PPFIA2: variants seen among roughly 807,000 people sequenced by gnomAD.
PPFIA2 encodes PPFI scaffold protein A2.
PPFIA2 carries 46 observed loss-of-function variants against 175.5 expected under a neutral mutation model. The ratio of observed to expected loss-of-function variants is 0.26; its 90% confidence interval spans 0.21 to 0.34. The LOEUF is 0.34. PPFIA2 is among the 10% of genes least tolerant of loss of function. The pLI is 1.00. For synonymous variants in PPFIA2, 568 were observed against 511.4 expected, an observed-to-expected ratio of 1.11 and a Z score of -1.49; for missense variants, 1,179 against 1,506.1, an observed-to-expected ratio of 0.78 and a Z score of 3.60.
chr12:81,537,542 C>A (rs1462597684), intron 4 of PPFIA2, among the ~76,000 whole-genome samples: 1 of 151,804 alleles, frequency 6.6e-6, no homozygotes, highest in African/African-American at 2.4e-5. Flanking sequence ...TTGCCCTTCA[C>A]ACCAATGTTT....
At chr12:81,738,707 T>C (rs1411308240) in intron 3 of PPFIA2, among the ~76,000 whole-genome samples, 1 of 151,152 alleles carries the variant, frequency 6.6e-6, no homozygotes, top group African/African-American at 2.4e-5. Flanking sequence ...AAAATAGAAA[T>C]CCCTTGGTAA....
chr12:81,407,166 T>C (rs2043083400), intron 7 of PPFIA2, among the ~76,000 whole-genome samples: 1 of 152,174 alleles, frequency 6.6e-6, no homozygotes, highest in African/African-American at 2.4e-5. Flanking sequence ...TAAATTAGAT[T>C]GTGTAACCCT....
At chr12:81,369,701 G>T (rs1393482241) in intron 11 of PPFIA2, among the ~76,000 whole-genome samples, 1 of 151,610 alleles carries the variant, frequency 6.6e-6, no homozygotes, top group Admixed American at 6.6e-5. Context: ...AGAAGAGGTT[G>T]GATCAGACTA....
chr12:81,362,284 T>A (rs2031062938), intron 15 of PPFIA2, among the ~76,000 whole-genome samples: 1 of 151,390 alleles, frequency 6.6e-6, no homozygotes, highest in Non-Finnish European at 1.5e-5. Context: ...AACATATTTC[T>A]GCATGTTTCT....
At chr12:81,406,577 C>A (rs779019304) in intron 7 of PPFIA2, among the ~76,000 whole-genome samples, 1 of 151,980 alleles carries the variant, frequency 6.6e-6, no homozygotes, top group Non-Finnish European at 1.5e-5. Flanking sequence ...AAAACAAATT[C>A]TCGGGTACTT....
In PPFIA2 at chr12:81,328,094, T is replaced by C. The variant is rs372554942; in HGVS notation, c.2549-2224A>G. On this transcript the variant is annotated intron_variant, in intron 21 of 32. Transcript: ENST00000549396. ...ATTAAAACACTTCTGAGGGAGGACA[T>C]TTTTTCACAGAATTGACCTAGCTGC... Among the ~76,000 whole-genome samples, 10 of 152,274 alleles carry C rather than the reference T, an allele frequency of 6.6e-5. No homozygotes were observed. The South Asian group carries it at 8.3e-4, about 13-fold the overall frequency.
At chr12:81,574,928 T>C (rs2073241371) in intron 4 of PPFIA2, among the ~76,000 whole-genome samples, 1 of 151,760 alleles carries the variant, frequency 6.6e-6, no homozygotes, top group South Asian at 2.1e-4. Flanking sequence ...TGGAATTGTA[T>C]TAAAACTAAT....
At chr12:81,497,407 G>C (rs1259428290) in intron 4 of PPFIA2, among the ~76,000 whole-genome samples, 1 of 151,352 alleles carries the variant, frequency 6.6e-6, no homozygotes, top group Non-Finnish European at 1.5e-5. Context: ...TTAGGGCAAA[G>C]TTTTCTTATA....
chr12:81,366,022 CTT>C (rs2033246631), intron 14 of PPFIA2, among the ~76,000 whole-genome samples: 3 of 114,400 alleles, frequency 2.6e-5, no homozygotes, highest in African/African-American at 6.6e-5. Flanking sequence ...TCCTTCCTTC[CTT>C]CCTTCCTTCC....
At chr12:81,415,421 T>G (rs1479643245) in intron 7 of PPFIA2, among the ~76,000 whole-genome samples, 1 of 149,044 alleles carries the variant, frequency 6.7e-6, no homozygotes, top group Non-Finnish European at 1.5e-5. Context: ...AGTGCTAAAA[T>G]TTAAATGCAC....
chr12:81,553,061 A>G (rs1481500144), intron 4 of PPFIA2, among the ~76,000 whole-genome samples: 1 of 152,054 alleles, frequency 6.6e-6, no homozygotes, highest in Non-Finnish European at 1.5e-5. Flanking sequence ...GTTCATGTAC[A>G]GAGTGTGGTA....
At chr12:81,450,679 A>C (rs2145525679) in intron 5 of PPFIA2, among the ~76,000 whole-genome samples, 1 of 152,222 alleles carries the variant, frequency 6.6e-6, no homozygotes, top group East Asian at 1.9e-4. Context: ...TTTTGTTGCC[A>C]TTGCTTTTGG....
chr12:81,598,292 A>G (rs1567516190), intron 4 of PPFIA2: 3 of 1,219,896 alleles, frequency 2.5e-6, no homozygotes, highest in Non-Finnish European at 3.1e-6. Flanking sequence ...TTAAAAACAC[A>G]GAAGGAAAAA....
intron 22 of PPFIA2, among the ~76,000 whole-genome samples, chr12:81,308,244 C>A (rs1410097054): frequency 6.6e-6 from 1 of 152,132 alleles, no homozygotes; most frequent in Non-Finnish European, 1.5e-5. Context: ...TGGATGCAGA[C>A]AAATTAGGCT....
intron 4 of PPFIA2, among the ~76,000 whole-genome samples, chr12:81,594,833 A>G (rs1459639610): frequency 6.6e-6 from 1 of 152,124 alleles, no homozygotes; most frequent in Non-Finnish European, 1.5e-5. Flanking sequence ...GGATCGCTTG[A>G]GCCTGGGAGG....
intron 3 of PPFIA2, among the ~76,000 whole-genome samples, chr12:81,728,311 A>G (rs1339559163): frequency 6.6e-6 from 1 of 151,420 alleles, no homozygotes; most frequent in Non-Finnish European, 1.5e-5. Flanking sequence ...ATGACTTTCA[A>G]TCACATAAAC....
chr12:81,583,935 T>C (rs896789962), intron 4 of PPFIA2, among the ~76,000 whole-genome samples: 7 of 151,986 alleles, frequency 4.6e-5, no homozygotes, highest in Non-Finnish European at 7.4e-5. Flanking sequence ...GTTTTTGTAA[T>C]ATAATTATTT....
At chr12:81,289,605 C>A (rs968895773) in intron 24 of PPFIA2, among the ~76,000 whole-genome samples, 2 of 151,706 alleles carry the variant, frequency 1.3e-5, no homozygotes, top group African/African-American at 2.4e-5. Context: ...CAGAAGGATT[C>A]CTCATTCAAA....
At chr12:81,630,640 C>A (rs181328137) in intron 4 of PPFIA2, among the ~76,000 whole-genome samples, 423 of 152,166 alleles carry the variant, frequency 2.8e-3, no homozygotes, top group Admixed American at 3.9e-3. Flanking sequence ...TATTTCCATT[C>A]CTTCCCAGAT....
Sources: allele counts gnomAD v4.1 joint callset (sites outside exome capture counted in the v4.1 genomes callset), GRCh38; gene constraint gnomAD v4.1.1; transcripts MANE v1.5; gene names NCBI Gene and HGNC (gene_info 2026-07-23, HGNC 2026-07-21).